Variants in LRRTM3 observed in about 807,000 individuals in gnomAD.
LRRTM3 encodes the protein leucine-rich repeat transmembrane neuronal protein 3.
Under a neutral mutation model 44.7 loss-of-function variants are expected in LRRTM3, and 24 were observed. The observed-to-expected ratio is 0.54, with a 90% confidence interval of 0.39 to 0.76. LRRTM3 has a LOEUF of 0.76. LRRTM3 is among the 30% of genes least tolerant of loss of function. LRRTM3 has a pLI of 0.00. For synonymous variants in LRRTM3, 277 were observed against 278.7 expected (o/e 0.99, Z 0.06); for missense variants, 587 against 702.2 (o/e 0.84, Z 1.85).
At chr10:67,031,012 T>A (rs970299689) in intron 2 of LRRTM3, among the ~76,000 whole-genome samples, 21 of 151,944 alleles carry the variant, frequency 1.4e-4, no homozygotes, top group South Asian at 2.1e-4. Flanking sequence ...CTCAAAAAAA[T>A]AAATAAATAA....
intron 2 of LRRTM3, among the ~76,000 whole-genome samples, chr10:67,089,385 A>C (rs1429065056): frequency 6.6e-6 from 1 of 152,158 alleles, no homozygotes; most frequent in East Asian, 1.9e-4. Flanking sequence ...CTTAAAAAAT[A>C]ATTTACTAGT....
chr10:66,944,142 ACTT>A (rs1279859931), intron 2 of LRRTM3, among the ~76,000 whole-genome samples: 6 of 152,196 alleles, frequency 3.9e-5, no homozygotes, highest in Non-Finnish European at 2.9e-5. Flanking sequence ...TCACAGTAGA[ACTT>A]CTTTCAAAAT....
Position 67,089,689 on chromosome 10 carries a change from A to G in LRRTM3, c.1537-7898A>G, listed in dbSNP as rs147435104. 2.1e-3 allele frequency among the ~76,000 whole-genome samples: 320 copies of G among 150,826 alleles called. 4 individuals are homozygous for G. Among genetic ancestry groups the G allele is most frequent in the African/African-American group, 7.4e-3 (306 of 41,076 alleles). On this transcript the variant is annotated intron_variant, in intron 2 of 2. Coordinates refer to ENST00000361320, the MANE Select transcript of LRRTM3 (RefSeq NM_178011.5). ...ATGATATAGTTAGTCGAATCAGCCA[A>G]TCAGAGTATACATATGTGTATATAC... is the stretch of plus-strand genomic sequence containing the variant.
At chr10:66,988,260 TAGGATTATATTCAC>T (rs1850846575) in intron 2 of LRRTM3, among the ~76,000 whole-genome samples, 3 of 152,194 alleles carry the variant, frequency 2.0e-5, no homozygotes, top group Admixed American at 1.3e-4. Flanking sequence ...ATCATTGAGG[TAGGATTATATTCAC>T]AGGATTATAT....
intron 2 of LRRTM3, among the ~76,000 whole-genome samples, chr10:67,004,902 A>C (rs549500269): frequency 6.6e-6 from 1 of 152,310 alleles, no homozygotes; most frequent in African/African-American, 2.4e-5. Context: ...CTCTAGTAGA[A>C]CGCAGTATTT....
At chr10:66,993,343 T>C (rs898925797) in intron 2 of LRRTM3, among the ~76,000 whole-genome samples, 1 of 152,168 alleles carries the variant, frequency 6.6e-6, no homozygotes, top group Admixed American at 6.6e-5. Flanking sequence ...CTCTGCCTTA[T>C]TCTATTCCTA....
intron 2 of LRRTM3, among the ~76,000 whole-genome samples, chr10:67,056,091 G>A (rs77084846): frequency 0.035 from 5,375 of 152,124 alleles, 284 homozygotes; most frequent in African/African-American, 0.11. Context: ...ACAATGTCAC[G>A]TTTTTATGTC....
intron 2 of LRRTM3, among the ~76,000 whole-genome samples, chr10:67,060,282 T>C (rs997980346): frequency 2.6e-5 from 4 of 152,084 alleles, no homozygotes; most frequent in Non-Finnish European, 4.4e-5. Flanking sequence ...TGTGCCACTA[T>C]ACTCCAGCCT....
intron 2 of LRRTM3, among the ~76,000 whole-genome samples, chr10:67,018,501 T>A (rs1445775701): frequency 6.6e-6 from 1 of 152,226 alleles, no homozygotes; most frequent in Admixed American, 6.5e-5. Flanking sequence ...GTTATAAACA[T>A]GTTTGGGAAC....
chr10:67,092,328 C>G (rs138987934), intron 2 of LRRTM3, among the ~76,000 whole-genome samples: 2,472 of 151,958 alleles, frequency 0.016, 57 homozygotes, highest in Non-Finnish European at 0.018. Flanking sequence ...ATACTAAAAT[C>G]TCTATTCAGA....
At chr10:67,050,452 A>T (rs2133182168) in intron 2 of LRRTM3, among the ~76,000 whole-genome samples, 1 of 152,352 alleles carries the variant, frequency 6.6e-6, no homozygotes, top group Non-Finnish European at 1.5e-5. Context: ...GAAAAGAAAA[A>T]AAAAGTACCC....
rs1357353941 is a variant in LRRTM3, at chr10:67,099,338, T to A, written c.*1542T>A. 1 of 151,740 alleles carries A rather than the reference T, an allele frequency of 6.6e-6. No individual in the cohort carries two copies. Among genetic ancestry groups the A allele is most frequent in the Admixed American group, 6.6e-5 (1 of 15,170 alleles). 9.4% of individuals were successfully genotyped at this position (151,740 alleles called of 1,614,324 possible). On this transcript the variant is annotated 3_prime_UTR_variant, in exon 3 of 3. Transcript: ENST00000361320. ...CATGCATTCTTGTGTTTTTTTTTAA[T>A]GGAAAACTGCAAGTTTCAATTACTG...
intron 2 of LRRTM3, among the ~76,000 whole-genome samples, chr10:67,047,125 A>G (rs913305056): frequency 1.3e-5 from 2 of 152,194 alleles, no homozygotes; most frequent in Non-Finnish European, 2.9e-5. Flanking sequence ...CAGACAGTAC[A>G]CTTATCTTCT....
intron 2 of LRRTM3, among the ~76,000 whole-genome samples, chr10:67,062,621 T>C (rs1320782826): frequency 6.6e-6 from 1 of 152,118 alleles, no homozygotes; most frequent in Non-Finnish European, 1.5e-5. Context: ...ATGACCTCAA[T>C]ATTTACCTAA....
chr10:66,958,580 G>A (rs1395406384), intron 2 of LRRTM3, among the ~76,000 whole-genome samples: 1 of 152,050 alleles, frequency 6.6e-6, no homozygotes, highest in Non-Finnish European at 1.5e-5. Context: ...AAGTAAGTAA[G>A]CGAATCCTGC....
At chr10:66,946,926 C>T (rs1471184903) in intron 2 of LRRTM3, among the ~76,000 whole-genome samples, 1 of 152,052 alleles carries the variant, frequency 6.6e-6, no homozygotes, top group African/African-American at 2.4e-5. Context: ...CTTTTCTTGG[C>T]GCTGGTAAAT....
intron 2 of LRRTM3, among the ~76,000 whole-genome samples, chr10:66,967,375 C>T (rs934269593): frequency 1.1e-4 from 16 of 151,200 alleles, no homozygotes; most frequent in African/African-American, 3.2e-4. Flanking sequence ...TGTAGATATA[C>T]ATATATCTAC....
intron 2 of LRRTM3, among the ~76,000 whole-genome samples, chr10:67,005,680 A>ATTTTTTTTTT (rs1564825972): frequency 3.8e-5 from 1 of 26,372 alleles, no homozygotes. Context: ...ATTTTACTCC[A>ATTTTTTTTTT]TCTTTTTTTT....
intron 2 of LRRTM3, among the ~76,000 whole-genome samples, chr10:67,043,062 TAC>T (rs1364728548): frequency 6.6e-6 from 1 of 151,236 alleles, no homozygotes; most frequent in Non-Finnish European, 1.5e-5. Context: ...AGTCAGGAAA[TAC>T]AGATATAAAT....
Sources: allele counts gnomAD v4.1 joint callset (sites outside exome capture counted in the v4.1 genomes callset), GRCh38; gene constraint gnomAD v4.1.1; transcripts MANE v1.5; gene names NCBI Gene and HGNC (gene_info 2026-07-23, HGNC 2026-07-21).